GRHL2: variants seen among roughly 807,000 people sequenced by gnomAD.
GRHL2 encodes the protein grainyhead-like protein 2 homolog.
A neutral mutation model predicts 83.8 loss-of-function variants in GRHL2; 21 were observed. The observed-to-expected ratio is 0.25, with a 90% CI of 0.18 to 0.36. The LOEUF is 0.36. Ranked by LOEUF, GRHL2 falls within the 10% of genes least tolerant of loss-of-function variation. The pLI is 1.00. For missense variants in GRHL2, 623 were observed against 781.8 expected, an observed-to-expected ratio of 0.80 and a Z score of 2.42; for synonymous variants, 280 against 278.9, an observed-to-expected ratio of 1.00 and a Z score of -0.04.
chr8:101,585,213 C>T (rs1245065271), intron 7 of GRHL2, among the ~76,000 whole-genome samples: 3 of 152,208 alleles, frequency 2.0e-5, no homozygotes, highest in Non-Finnish European at 4.4e-5. Flanking sequence ...CTCTGGTTCT[C>T]TGGAGGGCTG....
At position 101,573,731 on chromosome 8, in the gene GRHL2, C is replaced by T; in HGVS notation, c.798C>T (p.Pro266=). The change falls in exon 6 of 16, where the codon CCC becomes CCT. Residue 266 remains proline, a synonymous_variant. Transcript: ENST00000646743. ...TCCGTCAGAAGCAGGGGGAGGGCCC[C>T]ATGACCTACCTCAACAAAGGACAGT... ...KSLRQKQGEG[P]MTYLNKGQFY... 1 of 1,614,172 alleles carries T rather than the reference C, an allele frequency of 6.2e-7. No homozygotes were observed. Among genetic ancestry groups the T allele is most frequent in the Non-Finnish European group, 8.5e-7 (1 of 1,180,028 alleles).
Position 101,528,883 on chromosome 8 carries a change from G to T in GRHL2, c.21-14358G>T, listed in dbSNP as rs918198148. The T allele has an allele frequency of 4.8e-5, 16 of 334,584 alleles. 1 individual carries two copies. The highest frequency in any genetic ancestry group is 7.6e-5 in the Non-Finnish European group (13 of 170,248). The allele number at this position is 334,584 out of a possible 1,614,324, so 20.7% of individuals were successfully genotyped here. A position where few individuals can be genotyped will look rare whatever the true frequency, so the allele number is the denominator to read the frequency against. On this transcript the variant is annotated intron_variant, in intron 1 of 15. Transcript: ENST00000646743. ...CAGGTTCATGATAGGTTTGTTGTTA[G>T]ATGACAGACCTTTTGTTGAAACTGA...
intron 1 of GRHL2, among the ~76,000 whole-genome samples, chr8:101,509,225 G>C (rs1175796772): frequency 6.4e-5 from 5 of 78,208 alleles, no homozygotes; most frequent in Non-Finnish European, 9.7e-5. Flanking sequence ...GTGTGTGTGT[G>C]TGTGTGTGTG....
At position 101,619,842 on chromosome 8, in the gene GRHL2, T is replaced by C. The variant is rs527691408; in HGVS notation, c.1257+145T>C. On this transcript the variant is annotated intron_variant, in intron 9 of 15. Coordinates refer to ENST00000646743, the MANE Select transcript of GRHL2 (RefSeq NM_024915.4). ...CACAGTGGGAGTGGTAATCTTCTAT[T>C]CTCAGTTCCTGTTAGATATCTAGGA... is the stretch of plus-strand genomic sequence containing the variant. 6.0e-5 allele frequency: 38 copies of C among 630,914 alleles called. No individual in the cohort carries two copies. In the Admixed American group the frequency reaches 1.1e-3, roughly 18 times the overall value. The allele number at this position is 630,914 out of a possible 1,614,324, so 39.1% of individuals were successfully genotyped here.
intron 5 of GRHL2, among the ~76,000 whole-genome samples, chr8:101,573,059 C>G (rs1811859397): frequency 6.6e-6 from 1 of 152,188 alleles, no homozygotes; most frequent in Non-Finnish European, 1.5e-5. Flanking sequence ...CATTTGCAAA[C>G]TCCTGATTTA....
intron 8 of GRHL2, among the ~76,000 whole-genome samples, chr8:101,605,733 A>G (rs999173763): frequency 6.6e-6 from 1 of 152,084 alleles, no homozygotes; most frequent in Non-Finnish European, 1.5e-5. Context: ...AACTCCTTGC[A>G]CTCTTCAACG....
chr8:101,638,665 C>T (rs925874699), intron 12 of GRHL2, among the ~76,000 whole-genome samples: 1 of 152,200 alleles, frequency 6.6e-6, no homozygotes, highest in Non-Finnish European at 1.5e-5. Flanking sequence ...AGGAGCAGAA[C>T]CTCATCCAGC....
chr8:101,679,698 G>A, the GRHL2 span, among the ~76,000 whole-genome samples: 3 of 151,478 alleles, frequency 2.0e-5, no homozygotes, highest in East Asian at 5.8e-4. Flanking sequence ...ACCCTCAAAG[G>A]GAAGTCCATC....
chr8:101,666,482 C>T (rs1385327362), intron 15 of GRHL2, 107 bp from the exon 16 acceptor site: 3 of 728,324 alleles, frequency 4.1e-6, no homozygotes, highest in Non-Finnish European at 5.1e-6. Context: ...TCCCAGCCTC[C>T]ACCACAAAAG....
chr8:101,540,307 T>TA, intron 1 of GRHL2, among the ~76,000 whole-genome samples: 1 of 152,316 alleles, frequency 6.6e-6, no homozygotes, highest in South Asian at 2.1e-4. Context: ...TTACCCAGCT[T>TA]CTCACCACTG....
At chr8:101,612,706 T>C (rs7832397) in intron 8 of GRHL2, among the ~76,000 whole-genome samples, 4,654 of 150,988 alleles carry the variant, frequency 0.031, 363 homozygotes, top group East Asian at 0.18. Context: ...GGAGGTATTG[T>C]TTATGAAAGC....
At chr8:101,511,968 GC>G (rs1810475683) in intron 1 of GRHL2, among the ~76,000 whole-genome samples, 1 of 152,138 alleles carries the variant, frequency 6.6e-6, no homozygotes, top group South Asian at 2.1e-4. Flanking sequence ...CTGAAATCCA[GC>G]CTTTATTATA....
intron 7 of GRHL2, among the ~76,000 whole-genome samples, chr8:101,594,053 G>A (rs1812339730): frequency 1.0e-5 from 1 of 95,844 alleles, no homozygotes; most frequent in Admixed American, 1.7e-4. Flanking sequence ...TGGACAATAA[G>A]AGTGAGAGTC....
At chr8:101,573,506 G>T (rs1291406734) in intron 5 of GRHL2, among the ~76,000 whole-genome samples, 162 bp from the exon 6 acceptor site, 1 of 152,184 alleles carries the variant, frequency 6.6e-6, no homozygotes, top group African/African-American at 2.4e-5. Flanking sequence ...TACTAGCAAT[G>T]ACCTTTGATC....
intron 8 of GRHL2, among the ~76,000 whole-genome samples, chr8:101,606,883 C>A (rs1178777458): frequency 6.6e-6 from 1 of 152,192 alleles, no homozygotes; most frequent in African/African-American, 2.4e-5. Flanking sequence ...ATTTTAGTAG[C>A]TTAAAAGATA....
intron 8 of GRHL2, among the ~76,000 whole-genome samples, chr8:101,612,752 T>G (rs1812778194): frequency 6.6e-6 from 1 of 150,878 alleles, no homozygotes. Flanking sequence ...GAAAAATAAT[T>G]TATCTTCTCT....
intron 10 of GRHL2, 55 bp downstream of exon 10, chr8:101,631,779 C>T: frequency 7.2e-7 from 1 of 1,397,828 alleles, no homozygotes. Context: ...GGGCTGTGTC[C>T]ACTGGGGGAA....
chr8:101,549,903 G>C (rs768086575), intron 2 of GRHL2, among the ~76,000 whole-genome samples: 1 of 151,452 alleles, frequency 6.6e-6, no homozygotes, highest in Non-Finnish European at 1.5e-5. Flanking sequence ...CGTATCATGG[G>C]GTATTAAATT....
At chr8:101,635,042 G>T (rs1378806702) in intron 11 of GRHL2, among the ~76,000 whole-genome samples, 3 of 152,074 alleles carry the variant, frequency 2.0e-5, no homozygotes, top group African/African-American at 4.8e-5. Context: ...TACTTTGCAG[G>T]CATTAGCCTT....
Sources: gnomAD v4.1 joint callset for allele counts (sites outside exome capture counted in the v4.1 genomes callset) on GRCh38, gnomAD v4.1.1 for gene constraint, MANE v1.5 for transcripts, NCBI Gene and HGNC (gene_info 2026-07-23, HGNC 2026-07-21) for gene names.